The following RBX1 variants were observed in gnomAD, a reference collection of about 807,000 sequenced individuals.
RBX1 encodes the protein ring-box 1.
For missense variants in RBX1, 46 were observed against 141.4 expected, an observed-to-expected ratio of 0.33 and a Z score of 3.42; for synonymous variants, 48 against 47.9, an observed-to-expected ratio of 1.00 and a Z score of -0.01.
Position 40,972,622 on chromosome 22 carries a change from A to G in RBX1, c.*134A>G, listed in dbSNP as rs952023333. ...TTTTCAGTTTGCTGTTTCTGTAGCC[A>G]TATTGTATTCTGTGTCAAATAAAGT... On this transcript the variant is annotated 3_prime_UTR_variant, in exon 5 of 5. Transcript: ENST00000216225. 8 of 718,942 alleles carry G rather than the reference A, an allele frequency of 1.1e-5. No individual in the cohort carries two copies. Among genetic ancestry groups the G allele is most frequent in the African/African-American group, 8.8e-5 (5 of 56,690 alleles). The allele number at this position is 718,942 out of a possible 1,614,324, so 44.5% of individuals were successfully genotyped here.
chr22:40,956,392 AC>A (rs2058325351), intron 2 of RBX1, among the ~76,000 whole-genome samples: 1 of 138,142 alleles, frequency 7.2e-6, no homozygotes, highest in Non-Finnish European at 1.6e-5. Flanking sequence ...GCAGGTCTTT[AC>A]CTTTTTTTTT....
intron 1 of RBX1, among the ~76,000 whole-genome samples, chr22:40,952,872 C>T (rs1441222734): frequency 6.6e-6 from 1 of 151,592 alleles, no homozygotes; most frequent in African/African-American, 2.4e-5. Context: ...TGTTCTCTAG[C>T]TTTCACTTCA....
chr22:40,963,960 T>G, intron 2 of RBX1, 87 bp from the exon 3 acceptor site: 2 of 952,386 alleles, frequency 2.1e-6, no homozygotes, highest in South Asian at 2.7e-5. Context: ...TATGGCTAAT[T>G]AACCACTTGA....
intron 2 of RBX1, 48 bp from the exon 3 acceptor site, chr22:40,963,999 C>G (rs573042380): frequency 2.1e-6 from 3 of 1,433,050 alleles, no homozygotes; most frequent in African/African-American, 1.4e-5. Context: ...TAGATTGAAA[C>G]GTTGCTGCTC....
chr22:40,955,211 T>C (rs2058322035), intron 2 of RBX1, among the ~76,000 whole-genome samples: 1 of 152,140 alleles, frequency 6.6e-6, no homozygotes, highest in Non-Finnish European at 1.5e-5. Flanking sequence ...CTGTCCAATC[T>C]GAATGTAAGC....
intron 1 of RBX1, among the ~76,000 whole-genome samples, chr22:40,952,331 T>G (rs1245441766): frequency 6.6e-6 from 1 of 152,230 alleles, no homozygotes; most frequent in Non-Finnish European, 1.5e-5. Context: ...TCACCTAACA[T>G]GAAAGCTGTT....
intron 2 of RBX1, among the ~76,000 whole-genome samples, chr22:40,954,826 G>T (rs1465692986): frequency 1.3e-5 from 2 of 151,164 alleles, no homozygotes; most frequent in Non-Finnish European, 2.9e-5. Context: ...AGATGGAGTC[G>T]CCCAGGTTGG....
At chr22:40,955,524 AT>A (rs1235161689) in intron 2 of RBX1, among the ~76,000 whole-genome samples, 1 of 151,842 alleles carries the variant, frequency 6.6e-6, no homozygotes, top group Non-Finnish European at 1.5e-5. Flanking sequence ...TAAAAAAAAA[AT>A]GAGATATTTT....
chr22:40,954,097 TGTC>T (rs1457116727), intron 2 of RBX1, among the ~76,000 whole-genome samples: 1 of 152,082 alleles, frequency 6.6e-6, no homozygotes, highest in Non-Finnish European at 1.5e-5. Context: ...GGTGAAACCC[TGTC>T]TCTACTAAAA....
chr22:40,963,899 G>C, intron 2 of RBX1, 148 bp from the exon 3 acceptor site: 1 of 640,730 alleles, frequency 1.6e-6, no homozygotes, highest in Non-Finnish European at 2.8e-6. Flanking sequence ...AAAGCATACT[G>C]TTATCTCTGT....
intron 4 of RBX1, among the ~76,000 whole-genome samples, chr22:40,970,603 G>A (rs1279637762): frequency 2.0e-5 from 3 of 151,840 alleles, no homozygotes; most frequent in East Asian, 1.9e-4. Flanking sequence ...TATCTCTTAC[G>A]CTTTTCTGTG....
intron 4 of RBX1, 105 bp from the exon 5 acceptor site, chr22:40,972,371 A>G: frequency 1.2e-6 from 1 of 806,046 alleles, no homozygotes; most frequent in Non-Finnish European, 2.1e-6. Context: ...GCACACTGTG[A>G]TCACTTAGGT....
chr22:40,958,749 A>G (rs2058331994), intron 2 of RBX1, among the ~76,000 whole-genome samples: 1 of 152,046 alleles, frequency 6.6e-6, no homozygotes, highest in African/African-American at 2.4e-5. Context: ...GTTAGCATCT[A>G]CCTAAAACTA....
At position 40,951,426 on chromosome 22, in the gene RBX1, C is replaced by T; in HGVS notation, c.28C>T (p.Pro10Ser). The T allele has an allele frequency of 6.2e-7, 1 of 1,613,600 alleles. No individual in the cohort carries two copies. The highest frequency in any genetic ancestry group is 1.1e-5 in the South Asian group (1 of 91,072). The change falls in exon 1 of 5, where the codon CCG (proline) becomes TCG (serine). Residue 10 changes from proline (P) to serine (S), a missense_variant. Physicochemically the swap from Pro to Ser is moderately conservative, Grantham distance 74. Transcript: ENST00000216225. The part of the protein sequence containing the change: MAAAMDVDT[P>S]SGTNSGAGKK... ...GGCGGCAGCGATGGATGTGGATACCCCGAGCGGCACCAACAGCGGCGCGGG... is the reference window on the plus strand; with the variant it reads ...GGCGGCAGCGATGGATGTGGATACCTCGAGCGGCACCAACAGCGGCGCGGG...
chr22:40,970,714 G>A (rs946027301), intron 4 of RBX1, among the ~76,000 whole-genome samples: 1 of 151,624 alleles, frequency 6.6e-6, no homozygotes, highest in Non-Finnish European at 1.5e-5. Flanking sequence ...ATTTAAATAC[G>A]TCTTTATTAG....
intron 3 of RBX1, among the ~76,000 whole-genome samples, chr22:40,965,961 G>A (rs1214342002): frequency 6.6e-6 from 1 of 152,212 alleles, no homozygotes; most frequent in African/African-American, 2.4e-5. Flanking sequence ...ATTTGGCTAA[G>A]GAGAGATTCT....
At chr22:40,971,908 A>G (rs5995974) in intron 4 of RBX1, among the ~76,000 whole-genome samples, 5,287 of 152,162 alleles carry the variant, frequency 0.035, 125 homozygotes, top group Non-Finnish European at 0.054. Flanking sequence ...TCTGGGGAAA[A>G]CAGAAACCTC....
At chr22:40,954,192 C>A (rs568104087) in intron 2 of RBX1, among the ~76,000 whole-genome samples, 2 of 151,522 alleles carry the variant, frequency 1.3e-5, no homozygotes, top group South Asian at 4.2e-4. Flanking sequence ...TTGCTTGAAC[C>A]TGGGAGGCAG....
chr22:40,969,655 C>A (rs2058363340), intron 4 of RBX1, among the ~76,000 whole-genome samples: 3 of 152,044 alleles, frequency 2.0e-5, no homozygotes, highest in Admixed American at 2.0e-4. Context: ...CAGGTTGAGG[C>A]AGGTGGATCA....
Sources: gnomAD v4.1 joint callset for allele counts (sites outside exome capture counted in the v4.1 genomes callset) on GRCh38, gnomAD v4.1.1 for gene constraint, MANE v1.5 for transcripts, NCBI Gene and HGNC (gene_info 2026-07-23, HGNC 2026-07-21) for gene names.